CEP112: variants seen among roughly 807,000 people sequenced by gnomAD.
CEP112 encodes the protein centrosomal protein 112.
CEP112 carries 127 observed loss-of-function variants against 153.0 expected under a neutral mutation model. The observed-to-expected ratio is 0.83, with a 90% CI of 0.72 to 0.96. CEP112 has a LOEUF of 0.96. Among genes scored for constraint, CEP112 ranks in the 40% least tolerant of loss-of-function variants. The probability of loss-of-function intolerance (pLI) is 0.00; values close to 1 mark genes in which losing one functional copy is unlikely to be tolerated. For synonymous variants in CEP112, 358 were observed against 374.4 expected (o/e 0.96, Z 0.51); for missense variants, 1,089 against 1,101.2 (o/e 0.99, Z 0.16).
intron 17 of CEP112, among the ~76,000 whole-genome samples, chr17:65,978,986 T>C (rs1473493937): frequency 6.6e-6 from 1 of 152,164 alleles, no homozygotes; most frequent in African/African-American, 2.4e-5. Context: ...TAACCACACA[T>C]TGCTCTCTTC....
chr17:65,870,249 T>G (rs938823524), intron 20 of CEP112, among the ~76,000 whole-genome samples: 7 of 152,136 alleles, frequency 4.6e-5, no homozygotes, highest in African/African-American at 1.7e-4. Flanking sequence ...CCGGTAAAGA[T>G]TCATAACTGA....
intron 23 of CEP112, among the ~76,000 whole-genome samples, chr17:65,731,327 A>C (rs2050494861): frequency 6.6e-6 from 1 of 152,216 alleles, no homozygotes; most frequent in African/African-American, 2.4e-5. Flanking sequence ...TCATGTTTAC[A>C]CTATACTATA....
chr17:66,182,923 G>A (rs1902348337), intron 2 of CEP112, among the ~76,000 whole-genome samples: 1 of 152,112 alleles, frequency 6.6e-6, no homozygotes, highest in Non-Finnish European at 1.5e-5. Context: ...CAAGAAAAAA[G>A]GTTGTAGCTA....
chr17:65,644,452 G>A (rs2045323122), intron 24 of CEP112: 1 of 413,102 alleles, frequency 2.4e-6, no homozygotes, highest in Non-Finnish European at 4.5e-6. Context: ...TGCAGTCCTT[G>A]AGGATTCGGT....
chr17:65,714,916 G>T (rs926126195), intron 23 of CEP112, among the ~76,000 whole-genome samples: 1 of 152,082 alleles, frequency 6.6e-6, no homozygotes, highest in African/African-American at 2.4e-5. Flanking sequence ...AAGCTTTTGA[G>T]TAGGGGAGCT....
chr17:66,114,504 CTAAAA>C (rs1180489421), intron 6 of CEP112, among the ~76,000 whole-genome samples: 1 of 152,254 alleles, frequency 6.6e-6, no homozygotes, highest in East Asian at 1.9e-4. Flanking sequence ...AGTAACACAA[CTAAAA>C]TAAATGTTTT....
chr17:65,916,336 C>G (rs573460118), intron 19 of CEP112, among the ~76,000 whole-genome samples: 1 of 149,300 alleles, frequency 6.7e-6, no homozygotes, highest in Non-Finnish European at 1.5e-5. Flanking sequence ...TAGTGTTTTT[C>G]TCTTCCATCA....
At chr17:65,980,193 CA>C (rs1167749562) in intron 17 of CEP112, among the ~76,000 whole-genome samples, 1 of 152,080 alleles carries the variant, frequency 6.6e-6, no homozygotes, top group African/African-American at 2.4e-5. Context: ...ACTGTTTCTT[CA>C]AAGTCCCTCG....
At chr17:65,986,866 A>G (rs2145200308) in intron 17 of CEP112, among the ~76,000 whole-genome samples, 1 of 152,290 alleles carries the variant, frequency 6.6e-6, no homozygotes, top group Non-Finnish European at 1.5e-5. Context: ...TGGAGAAGAC[A>G]CAAGACAATC....
At chr17:65,804,785 A>G (rs973602054) in intron 21 of CEP112, among the ~76,000 whole-genome samples, 24 of 152,168 alleles carry the variant, frequency 1.6e-4, no homozygotes, top group Non-Finnish European at 2.6e-4. Context: ...TATCCTCAGT[A>G]TGATATTAAC....
intron 23 of CEP112, among the ~76,000 whole-genome samples, chr17:65,721,397 G>A (rs1239191381): frequency 6.6e-6 from 1 of 152,162 alleles, no homozygotes; most frequent in African/African-American, 2.4e-5. Flanking sequence ...AACAGTGGTA[G>A]CATTTAAAAA....
At chr17:65,668,592 C>T (rs1274340044) in intron 24 of CEP112, among the ~76,000 whole-genome samples, 2 of 152,196 alleles carry the variant, frequency 1.3e-5, no homozygotes, top group Non-Finnish European at 2.9e-5. Context: ...CGGGAAGCAA[C>T]ATTCCTGTGA....
chr17:65,867,493 C>G (rs988018002), intron 20 of CEP112, among the ~76,000 whole-genome samples: 2 of 152,124 alleles, frequency 1.3e-5, no homozygotes, highest in South Asian at 2.1e-4. Flanking sequence ...CAGGACCATA[C>G]AGTAATTCAA....
intron 18 of CEP112, among the ~76,000 whole-genome samples, chr17:65,952,169 C>A (rs1568282513): frequency 6.6e-6 from 1 of 151,992 alleles, no homozygotes; most frequent in South Asian, 2.1e-4. Flanking sequence ...TCCATGAGTG[C>A]CTGCAGTCAT....
intron 21 of CEP112, among the ~76,000 whole-genome samples, chr17:65,776,218 C>T (rs1471119286): frequency 6.6e-6 from 1 of 152,060 alleles, no homozygotes; most frequent in East Asian, 1.9e-4. Flanking sequence ...TGTGCCTGAC[C>T]GGCATAGCTG....
intron 24 of CEP112, among the ~76,000 whole-genome samples, chr17:65,644,148 T>C (rs1432092968): frequency 2.0e-5 from 3 of 152,204 alleles, no homozygotes; most frequent in African/African-American, 7.2e-5. Flanking sequence ...ACTGCCAGCC[T>C]TCACGAACAA....
chr17:65,926,267 C>T (rs2060920228), intron 19 of CEP112, among the ~76,000 whole-genome samples: 1 of 152,194 alleles, frequency 6.6e-6, no homozygotes, highest in Admixed American at 6.5e-5. Context: ...GACTGGAATA[C>T]TATTCCTCCA....
intron 21 of CEP112, among the ~76,000 whole-genome samples, chr17:65,843,898 G>T (rs1027965193): frequency 6.6e-6 from 1 of 152,070 alleles, no homozygotes; most frequent in Non-Finnish European, 1.5e-5. Context: ...CAGATTAGAC[G>T]AAATTTAAAT....
At chr17:65,648,659 C>A (rs979560170) in intron 24 of CEP112, among the ~76,000 whole-genome samples, 4 of 152,092 alleles carry the variant, frequency 2.6e-5, no homozygotes, top group African/African-American at 9.7e-5. Context: ...GATAAAAATT[C>A]AAAGTGACAT....
Sources: gnomAD v4.1 joint callset for allele counts (sites outside exome capture counted in the v4.1 genomes callset) on GRCh38, gnomAD v4.1.1 for gene constraint, MANE v1.5 for transcripts, NCBI Gene and HGNC (gene_info 2026-07-23, HGNC 2026-07-21) for gene names.